Variants in PRKCB observed in about 807,000 individuals in gnomAD.
PRKCB encodes protein kinase C beta.
Under a neutral mutation model 81.5 loss-of-function variants are expected in PRKCB, and 13 were observed. That is an observed-to-expected ratio of 0.16 (90% confidence interval 0.10 to 0.25). The LOEUF is 0.25. Among genes scored for constraint, PRKCB ranks in the 10% least tolerant of loss-of-function variants. The probability of loss-of-function intolerance (pLI) is 1.00; values close to 1 mark genes in which losing one functional copy is unlikely to be tolerated. For synonymous variants in PRKCB, 335 were observed against 321.4 expected (o/e 1.04, Z -0.45); for missense variants, 509 against 875.7 (o/e 0.58, Z 5.29).
intron 16 of PRKCB, among the ~76,000 whole-genome samples, chr16:24,207,381 TA>T (rs1437917909): frequency 6.6e-6 from 1 of 152,204 alleles, no homozygotes; most frequent in Non-Finnish European, 1.5e-5. Context: ...TGTAAATTTT[TA>T]AAATATAATC....
chr16:24,059,023 G>C (rs1482316982), intron 5 of PRKCB, among the ~76,000 whole-genome samples: 1 of 152,224 alleles, frequency 6.6e-6, no homozygotes, highest in South Asian at 2.1e-4. Context: ...AGGAAGACAT[G>C]TGGATAGTGA....
intron 2 of PRKCB, among the ~76,000 whole-genome samples, chr16:23,945,772 A>AC: frequency 6.6e-6 from 1 of 152,288 alleles, no homozygotes; most frequent in East Asian, 1.9e-4. Context: ...ACAAAACAAA[A>AC]AAAACAAACA....
intron 16 of PRKCB, among the ~76,000 whole-genome samples, chr16:24,192,023 G>C (rs1006056515): frequency 7.2e-5 from 11 of 152,324 alleles, no homozygotes; most frequent in Non-Finnish European, 1.3e-4. Context: ...GTGACTCAAT[G>C]ATGGGTTGTA....
Position 24,217,712 on chromosome 16 carries a change from ATAAGAGGC to A in PRKCB, c.*2897_*2904del, listed in dbSNP as rs1968251323. On this transcript the variant is annotated 3_prime_UTR_variant, in exon 17 of 17. Transcript: ENST00000643927. ...GGGGCTGGTCAGAAGGGAATCTTTG[ATAAGAGGC>A]CCACAGGCAGGGAAAGCGAAATAGG... 3 of 985,344 alleles carry A rather than the reference ATAAGAGGC, an allele frequency of 3.0e-6. No individual in the cohort carries two copies. In the South Asian group the frequency reaches 1.4e-4, roughly 46 times the overall value. 61.0% of individuals were successfully genotyped at this position (985,344 alleles called of 1,614,324 possible). A position where few individuals can be genotyped will look rare whatever the true frequency, so the allele number is the denominator to read the frequency against.
intron 1 of PRKCB, 116 bp downstream of exon 1, chr16:23,836,464 CT>C: frequency 7.1e-7 from 1 of 1,416,980 alleles, no homozygotes; most frequent in African/African-American, 1.5e-5. Context: ...GACCCCGCGT[CT>C]CCGGACTCCC....
At chr16:23,889,494 A>G (rs535837537) in intron 2 of PRKCB, among the ~76,000 whole-genome samples, 3 of 152,378 alleles carry the variant, frequency 2.0e-5, no homozygotes, top group East Asian at 1.9e-4. Flanking sequence ...TATAATAGTC[A>G]TTAAAGGTCT....
intron 2 of PRKCB, among the ~76,000 whole-genome samples, chr16:23,906,091 C>T (rs181593895): frequency 5.0e-4 from 76 of 152,242 alleles, no homozygotes; most frequent in Middle Eastern, 3.4e-3. Flanking sequence ...ATCATGAGGA[C>T]GGAGGATATG....
intron 2 of PRKCB, among the ~76,000 whole-genome samples, chr16:23,883,373 G>C (rs1052943028): frequency 2.0e-5 from 3 of 152,168 alleles, no homozygotes; most frequent in South Asian, 2.1e-4. Flanking sequence ...GAAAGGTCTT[G>C]AGGAGGAAAG....
In PRKCB at chr16:24,218,964, G is replaced by A; in HGVS notation, c.*4148G>A. The A allele has an allele frequency of 1.0e-6, 1 of 985,412 alleles. No individual in the cohort carries two copies. The highest frequency in any genetic ancestry group is 1.2e-6 in the Non-Finnish European group (1 of 829,986). The allele number at this position is 985,412 out of a possible 1,614,324, so 61.0% of individuals were successfully genotyped here. ...CTTGGGCAAGCCACCCTGCCTGCTTGTGCCTCGGTTCTCTCATATGTCATA... is the reference window on the plus strand; with the variant it reads ...CTTGGGCAAGCCACCCTGCCTGCTTATGCCTCGGTTCTCTCATATGTCATA... On this transcript the variant is annotated 3_prime_UTR_variant, in exon 17 of 17. Coordinates refer to ENST00000643927, the MANE Select transcript of PRKCB (RefSeq NM_002738.7).
intron 7 of PRKCB, among the ~76,000 whole-genome samples, chr16:24,112,211 T>C (rs1021168766): frequency 2.0e-5 from 3 of 152,116 alleles, no homozygotes; most frequent in African/African-American, 7.2e-5. Flanking sequence ...ATGCACCCTA[T>C]GTAGGGTGAA....
At chr16:24,048,578 C>T (rs1313793558) in intron 5 of PRKCB, among the ~76,000 whole-genome samples, 1 of 152,010 alleles carries the variant, frequency 6.6e-6, no homozygotes, top group Non-Finnish European at 1.5e-5. Flanking sequence ...CAACCTCCGC[C>T]TCCCTGGTTC....
At chr16:24,113,606 T>C (rs1052734622) in intron 8 of PRKCB, among the ~76,000 whole-genome samples, 1 of 149,992 alleles carries the variant, frequency 6.7e-6, no homozygotes, top group African/African-American at 2.5e-5. Flanking sequence ...TCTTCCTCTC[T>C]CTTGTCTCTC....
intron 7 of PRKCB, among the ~76,000 whole-genome samples, chr16:24,107,527 C>T (rs537540323): frequency 4.6e-5 from 7 of 152,336 alleles, no homozygotes; most frequent in South Asian, 2.1e-4. Context: ...CCATAACAGG[C>T]ACCCCTCAAG....
chr16:23,864,101 A>T (rs1291893901), intron 2 of PRKCB, among the ~76,000 whole-genome samples: 1 of 152,184 alleles, frequency 6.6e-6, no homozygotes. Flanking sequence ...CTTAACCCAT[A>T]GAGCCACAAA....
At chr16:23,996,479 C>T (rs1048947954) in intron 3 of PRKCB, among the ~76,000 whole-genome samples, 1 of 152,196 alleles carries the variant, frequency 6.6e-6, no homozygotes, top group East Asian at 1.9e-4. Flanking sequence ...TGGCACCATG[C>T]CTAGGGGTTA....
chr16:24,177,310 G>A (rs1327384181), intron 12 of PRKCB, among the ~76,000 whole-genome samples: 3 of 152,176 alleles, frequency 2.0e-5, no homozygotes, highest in Admixed American at 6.5e-5. Flanking sequence ...CATTTCAGGT[G>A]CTAAGATGAT....
chr16:24,127,907 A>C (rs1473192270), intron 9 of PRKCB, among the ~76,000 whole-genome samples: 1 of 152,148 alleles, frequency 6.6e-6, no homozygotes, highest in Admixed American at 6.5e-5. Flanking sequence ...TTGAATTCCA[A>C]CTTTGAACAT....
At chr16:23,847,583 G>T (rs1421453422) in intron 2 of PRKCB, among the ~76,000 whole-genome samples, 1 of 55,958 alleles carries the variant, frequency 1.8e-5, no homozygotes, top group Non-Finnish European at 4.0e-5. Context: ...CATCCGTCTG[G>T]CTATCCAACC....
intron 2 of PRKCB, among the ~76,000 whole-genome samples, chr16:23,970,295 TAC>T (rs983100177): frequency 1.3e-5 from 2 of 152,174 alleles, no homozygotes; most frequent in African/African-American, 4.8e-5. Context: ...CATTTGTACA[TAC>T]ACTCTGCAAG....
Sources: gnomAD v4.1 joint callset for allele counts (sites outside exome capture counted in the v4.1 genomes callset) on GRCh38, gnomAD v4.1.1 for gene constraint, MANE v1.5 for transcripts, NCBI Gene and HGNC (gene_info 2026-07-23, HGNC 2026-07-21) for gene names.